The following BCR variants were observed in gnomAD, a reference collection of about 807,000 sequenced individuals.
The protein encoded by BCR is breakpoint cluster region protein.
BCR carries 58 observed loss-of-function variants against 138.6 expected under a neutral mutation model. The observed-to-expected ratio is 0.42, with a 90% CI of 0.34 to 0.52. The LOEUF (loss-of-function observed/expected upper bound fraction) is 0.52, where lower values mean the gene tolerates loss of function less well. BCR is among the 20% of genes least tolerant of loss of function. BCR has a pLI of 0.06. For synonymous variants in BCR, 786 were observed against 730.1 expected (o/e 1.08, Z -1.23); for missense variants, 1,599 against 1,727.2 (o/e 0.93, Z 1.32).
intron 8 of BCR, among the ~76,000 whole-genome samples, chr22:23,276,705 A>T (rs2073581142): frequency 6.6e-6 from 1 of 152,224 alleles, no homozygotes; most frequent in Non-Finnish European, 1.5e-5. Context: ...CCTGGGGCAG[A>T]TGCTGCTGAT....
rs536197461 is a variant in BCR, at chr22:23,216,113, T to TTG, written c.1279+33875_1279+33876dup. ...ATAGGTGCTCCGAGTTCTTTCCGCT[T>TTG]TGGTCCAGTCTGAGTGGCTCTGATA... On this transcript the variant is annotated intron_variant, in intron 1 of 22. Coordinates refer to ENST00000305877, the MANE Select transcript of BCR (RefSeq NM_004327.4). Among the ~76,000 whole-genome samples the TTG allele has an allele frequency of 3.4e-3, 519 of 152,304 alleles. 3 individuals are homozygous for TTG. Among genetic ancestry groups the TTG allele is most frequent in the Non-Finnish European group, 5.5e-3 (376 of 68,026 alleles).
At chr22:23,230,204 C>G (rs2072940915) in intron 1 of BCR, among the ~76,000 whole-genome samples, 1 of 152,168 alleles carries the variant, frequency 6.6e-6, no homozygotes, top group Admixed American at 6.5e-5. Context: ...TCCTCCTGCC[C>G]TTATCTACCT....
chr22:23,193,612 C>T (rs1431335337), intron 1 of BCR, among the ~76,000 whole-genome samples: 3 of 152,260 alleles, frequency 2.0e-5, no homozygotes, highest in African/African-American at 7.2e-5. Context: ...CTATAATCCT[C>T]CTGGGCTGAG....
At position 23,297,204 on chromosome 22, in the gene BCR, G is replaced by GTTTTTTTTTTTTT. The variant is rs1568979500; in HGVS notation, c.3012+2051_3012+2052insTTTTTTTTTTTTT. On this transcript the variant is annotated intron_variant, in intron 16 of 22. Transcript: ENST00000305877. ...GTCGTGCCCCACCATGCCTGGCTAA[G>GTTTTTTTTTTTTT]TTGTTTTTTGTTTTTTGTTTTTTTT... 5.6e-5 allele frequency among the ~76,000 whole-genome samples: 7 copies of GTTTTTTTTTTTTT among 124,154 alleles called. 1 individual carries two copies. The highest frequency in any genetic ancestry group is 2.5e-4 in the African/African-American group (7 of 28,490). 81.4% of individuals were successfully genotyped at this position (124,154 alleles called of 152,430 possible). A position where few individuals can be genotyped will look rare whatever the true frequency, so the allele number is the denominator to read the frequency against.
intron 10 of BCR, among the ~76,000 whole-genome samples, chr22:23,286,554 T>TA (rs1281478847): frequency 1.3e-5 from 2 of 152,172 alleles, no homozygotes; most frequent in Non-Finnish European, 2.9e-5. Context: ...TATTGACTGT[T>TA]ACTGTTGCAT....
chr22:23,211,380 AG>A (rs1459147100), intron 1 of BCR, among the ~76,000 whole-genome samples: 2 of 150,764 alleles, frequency 1.3e-5, no homozygotes, highest in African/African-American at 4.9e-5. Context: ...TTGTATTTTT[AG>A]TAAAGACAGG....
At chr22:23,271,432 T>TG in intron 5 of BCR, 100 bp from the exon 6 acceptor site, 1 of 1,213,182 alleles carries the variant, frequency 8.2e-7, no homozygotes, top group Non-Finnish European at 1.2e-6. Context: ...TGGGGTTTGT[T>TG]GTAGTGAGGG....
rs1432473279 is a variant in BCR, at chr22:23,253,968, G to A, written c.1449G>A (p.Glu483=). 2 of 1,612,248 alleles carry A rather than the reference G, an allele frequency of 1.2e-6. No homozygotes were observed. Among genetic ancestry groups the A allele is most frequent in the Non-Finnish European group, 1.7e-6 (2 of 1,179,560 alleles). Residue 483 remains glutamate (E), a synonymous_variant, in exon 2 of 23, where the codon GAG becomes GAA. Coordinates refer to ENST00000305877, the MANE Select transcript of BCR (RefSeq NM_004327.4). ...SRDALVSGAL[E]STKASELDLE... ...ATGCGCTGGTCTCGGGAGCCCTGGA[G>A]TCCACTAAAGCGGTGAGTCCCCATG...
intron 16 of BCR, among the ~76,000 whole-genome samples, chr22:23,297,940 A>T (rs888798895): frequency 1.1e-4 from 16 of 152,224 alleles, no homozygotes; most frequent in African/African-American, 3.9e-4. Flanking sequence ...CTCTTCTGTC[A>T]GTCTAGGGGT....
At chr22:23,292,809 A>G (rs570004559) in intron 15 of BCR, among the ~76,000 whole-genome samples, 171 bp downstream of exon 15, 16 of 152,258 alleles carry the variant, frequency 1.1e-4, no homozygotes, top group Admixed American at 2.6e-4. Flanking sequence ...AAGAGATTTT[A>G]TCTCCTTGTT....
At chr22:23,259,517 A>AAT (rs1397839774) in intron 2 of BCR, among the ~76,000 whole-genome samples, 3 of 141,210 alleles carry the variant, frequency 2.1e-5, no homozygotes, top group African/African-American at 7.8e-5. Flanking sequence ...CAAAAAAAAA[A>AAT]TTTTTTTTTT....
At chr22:23,222,039 T>C (rs939110983) in intron 1 of BCR, among the ~76,000 whole-genome samples, 1 of 151,974 alleles carries the variant, frequency 6.6e-6, no homozygotes, top group African/African-American at 2.4e-5. Flanking sequence ...TGCAGTGAGC[T>C]GAGATCATGC....
chr22:23,228,506 A>T (rs1471583359), intron 1 of BCR, among the ~76,000 whole-genome samples: 1 of 152,210 alleles, frequency 6.6e-6, no homozygotes, highest in Non-Finnish European at 1.5e-5. Flanking sequence ...CAAACAACAA[A>T]ACATACTACC....
At chr22:23,302,998 T>C (rs1271695442) in intron 16 of BCR, 1 of 141,282 alleles carries the variant, frequency 7.1e-6, no homozygotes, top group Non-Finnish European at 1.5e-5. Flanking sequence ...CGTGAGAGCA[T>C]AAGTCACTCA....
intron 1 of BCR, among the ~76,000 whole-genome samples, chr22:23,206,349 C>T (rs571211543): frequency 5.3e-5 from 8 of 152,100 alleles, no homozygotes; most frequent in Admixed American, 2.0e-4. Flanking sequence ...CCAAGGTGGG[C>T]GGATCACGAG....
intron 1 of BCR, among the ~76,000 whole-genome samples, chr22:23,225,277 T>G (rs371607354): frequency 2.8e-4 from 42 of 152,068 alleles, no homozygotes; most frequent in African/African-American, 9.9e-4. Context: ...AGAGACATCA[T>G]CTGAACCCAG....
chr22:23,205,143 T>C (rs2072596530), intron 1 of BCR, among the ~76,000 whole-genome samples: 2 of 152,186 alleles, frequency 1.3e-5, no homozygotes, highest in South Asian at 4.1e-4. Context: ...AGGGAAAGCC[T>C]GTTAGTCTTT....
At chr22:23,301,626 G>A (rs966741188) in intron 16 of BCR, among the ~76,000 whole-genome samples, 1 of 152,212 alleles carries the variant, frequency 6.6e-6, no homozygotes, top group Non-Finnish European at 1.5e-5. Context: ...CCAAGTAACC[G>A]TGCCATCTGA....
chr22:23,301,368 G>T (rs993858468), intron 16 of BCR, among the ~76,000 whole-genome samples: 8 of 152,210 alleles, frequency 5.3e-5, no homozygotes, highest in African/African-American at 1.9e-4. Flanking sequence ...CCCCAGCTCT[G>T]CCAACTGTGG....
Sources: allele counts gnomAD v4.1 joint callset (sites outside exome capture counted in the v4.1 genomes callset), GRCh38; gene constraint gnomAD v4.1.1; transcripts MANE v1.5; gene names NCBI Gene and HGNC (gene_info 2026-07-23, HGNC 2026-07-21).